DGUOK: variants seen among roughly 807,000 people sequenced by gnomAD.
DGUOK encodes the protein deoxyguanosine kinase.
In DGUOK, 30 loss-of-function variants were observed where a neutral mutation model predicts 36.6. The observed-to-expected ratio is 0.82, with a 90% CI of 0.61 to 1.11. The LOEUF (loss-of-function observed/expected upper bound fraction) is 1.11. Among genes scored for constraint, DGUOK ranks in the 50% most tolerant of loss-of-function variants. DGUOK has a pLI of 0.00. For missense variants in DGUOK, 361 were observed against 336.4 expected (o/e 1.07, Z -0.57); for synonymous variants, 145 against 126.3 (o/e 1.15, Z -0.99).
chr2:73,952,071 A>G (rs1189169740), intron 4 of DGUOK, among the ~76,000 whole-genome samples: 1 of 152,104 alleles, frequency 6.6e-6, no homozygotes, highest in African/African-American at 2.4e-5. Flanking sequence ...TGGGGAGGTG[A>G]GACAGGAGGA....
At chr2:73,932,850 G>T (rs1414279823) in intron 1 of DGUOK, among the ~76,000 whole-genome samples, 2 of 152,152 alleles carry the variant, frequency 1.3e-5, no homozygotes, top group South Asian at 4.1e-4. Context: ...AAAGTCAAAA[G>T]CTTGGTACCT....
At chr2:73,945,055 C>G (rs1187722428) in intron 2 of DGUOK, among the ~76,000 whole-genome samples, 1 of 152,236 alleles carries the variant, frequency 6.6e-6, no homozygotes, top group Non-Finnish European at 1.5e-5. Context: ...TGAAGCCTTT[C>G]AAAGGGCTAA....
At chr2:73,931,344 A>G (rs1252389098) in intron 1 of DGUOK, among the ~76,000 whole-genome samples, 1 of 151,778 alleles carries the variant, frequency 6.6e-6, no homozygotes, top group Non-Finnish European at 1.5e-5. Context: ...GTGTGATCTC[A>G]TCTCACTGCA....
At chr2:73,932,521 G>C in intron 1 of DGUOK, 1 of 821,144 alleles carries the variant, frequency 1.2e-6, no homozygotes, top group Non-Finnish European at 1.8e-6. Context: ...CCATGTGGAA[G>C]TTAGGCATTG....
intron 1 of DGUOK, chr2:73,932,824 A>G (rs1338047238): frequency 4.3e-5 from 15 of 347,126 alleles, no homozygotes; most frequent in South Asian, 1.8e-4. Flanking sequence ...ACGAAGCCAT[A>G]TAAGATGTGT....
At chr2:73,956,774 G>A (rs1054472306) in intron 4 of DGUOK, among the ~76,000 whole-genome samples, 1 of 152,190 alleles carries the variant, frequency 6.6e-6, no homozygotes, top group Non-Finnish European at 1.5e-5. Flanking sequence ...TGAGAGGAGA[G>A]GCAAGGAGAG....
chr2:73,946,531 CTGATTATGAAATTTTGA>C (rs1682317790), intron 2 of DGUOK, among the ~76,000 whole-genome samples, 171 bp from the exon 3 acceptor site: 1 of 152,166 alleles, frequency 6.6e-6, no homozygotes, highest in African/African-American at 2.4e-5. Flanking sequence ...AATCTCATAC[CTGATTATGAAATTTTGA>C]CTAAGCTGGG....
At chr2:73,957,294 A>G (rs932954536) in intron 5 of DGUOK, 54 bp downstream of exon 5, 18 of 1,403,308 alleles carry the variant, frequency 1.3e-5, no homozygotes, top group Non-Finnish European at 1.7e-5. Context: ...CCCAACAGCC[A>G]GTTGTTAAAA....
In DGUOK at chr2:73,932,187, A is replaced by C. The variant is rs187212090; in HGVS notation, c.142+5135A>C. On this transcript the variant is annotated intron_variant, in intron 1 of 6. Transcript: ENST00000264093. Reference sequence around the variant, plus strand: ...CCTTGGAAGTAAATGCAATTGCCCAAGAAAAGGGTGATGCGAAGTGGAATG... The same window carrying C: ...CCTTGGAAGTAAATGCAATTGCCCACGAAAAGGGTGATGCGAAGTGGAATG... Among the ~76,000 whole-genome samples, 11 of 152,292 alleles carry C rather than the reference A, an allele frequency of 7.2e-5. No individual in the cohort carries two copies. In the East Asian group the frequency reaches 1.9e-3, roughly 27 times the overall value.
chr2:73,936,880 G>A (rs1681505515), intron 1 of DGUOK, among the ~76,000 whole-genome samples: 1 of 152,176 alleles, frequency 6.6e-6, no homozygotes, highest in African/African-American at 2.4e-5. Context: ...AGGAGGACTA[G>A]CTAATCCAGC....
At position 73,957,189 on chromosome 2, in the gene DGUOK, T is replaced by C. The variant is rs1183960817; in HGVS notation, c.656T>C (p.Leu219Pro). Residue 219 changes from leucine (L) to proline (P), a missense_variant, in exon 5 of 7, where the codon CTA (leucine) becomes CCA (proline). Transcript: ENST00000264093. Reference protein sequence around the residue: ...EEEKGIELAYLEQLHGQHEAW... With the variant: ...EEEKGIELAYPEQLHGQHEAW... ...GAGAAAGGAATTGAGCTGGCCTATC[T>C]AGAGCAGCTGCATGGCCAACACGAA... The C allele has an allele frequency of 6.2e-7, 1 of 1,614,006 alleles. No individual in the cohort carries two copies. Among genetic ancestry groups the C allele is most frequent in the Non-Finnish European group, 8.5e-7 (1 of 1,180,018 alleles).
chr2:73,947,477 T>C (rs1471405314), intron 3 of DGUOK, among the ~76,000 whole-genome samples: 1 of 152,196 alleles, frequency 6.6e-6, no homozygotes, highest in Non-Finnish European at 1.5e-5. Context: ...GGCTTTTTGC[T>C]GGCCAGAGTC....
intron 4 of DGUOK, among the ~76,000 whole-genome samples, chr2:73,956,268 T>C (rs1246618459): frequency 6.6e-6 from 1 of 152,194 alleles, no homozygotes; most frequent in African/African-American, 2.4e-5. Context: ...TTTCCACTTC[T>C]TTGTTTTATC....
chr2:73,946,722 T>C lies in DGUOK; in HGVS notation c.259T>C (p.Cys87Arg). Residue 87 changes from cysteine (C) to arginine (R), a missense_variant, in exon 3 of 7, where the codon TGC (cysteine) becomes CGC (arginine). Coordinates refer to ENST00000264093, the MANE Select transcript of DGUOK (RefSeq NM_080916.3). ...TCTTTTTTTCATCTCCCTCTAGGCC[T>C]GCACTGCCCAAAGTCTTGGAAACTT... ...NIQAAGTQKA[C>R]TAQSLGNLLD... 1 of 1,614,200 alleles carries C rather than the reference T, an allele frequency of 6.2e-7. No individual in the cohort carries two copies. The highest frequency in any genetic ancestry group is 8.5e-7 in the Non-Finnish European group (1 of 1,180,014).
At chr2:73,957,267 G>T (rs1421832391) in intron 5 of DGUOK, 27 bp downstream of exon 5, 5 of 1,572,132 alleles carry the variant, frequency 3.2e-6, no homozygotes, top group Non-Finnish European at 3.5e-6. Flanking sequence ...GAATGTATCA[G>T]AGACAGAGAC....
At chr2:73,930,009 A>G (rs536976206) in intron 1 of DGUOK, among the ~76,000 whole-genome samples, 18 of 152,368 alleles carry the variant, frequency 1.2e-4, no homozygotes, top group Admixed American at 6.5e-4. Flanking sequence ...AAATCGGGAC[A>G]GAGGATAGAA....
intron 2 of DGUOK, among the ~76,000 whole-genome samples, chr2:73,939,324 GTATT>G (rs1287066546): frequency 6.6e-6 from 1 of 152,128 alleles, no homozygotes; most frequent in Admixed American, 6.5e-5. Flanking sequence ...CTACACTTAA[GTATT>G]TATATTATTA....
intron 4 of DGUOK, among the ~76,000 whole-genome samples, chr2:73,953,719 CTT>C (rs386390474): frequency 3.8e-4 from 36 of 95,786 alleles, no homozygotes; most frequent in African/African-American, 6.9e-4. Context: ...TCCCTAACTT[CTT>C]TTTTTTTTTT....
At chr2:73,958,606 C>A in intron 6 of DGUOK, 104 bp from the exon 7 acceptor site, 1 of 1,006,300 alleles carries the variant, frequency 9.9e-7, no homozygotes, top group East Asian at 2.4e-5. Flanking sequence ...TTTTCCTTTC[C>A]TCACAAAAAC....
Sources: allele counts gnomAD v4.1 joint callset (sites outside exome capture counted in the v4.1 genomes callset), GRCh38; gene constraint gnomAD v4.1.1; transcripts MANE v1.5; gene names NCBI Gene and HGNC (gene_info 2026-07-23, HGNC 2026-07-21).